TERF2: variants seen among roughly 807,000 people sequenced by gnomAD.
TERF2 encodes telomeric repeat-binding factor 2.
In TERF2, 16 loss-of-function variants were observed where a neutral mutation model predicts 56.1. The observed-to-expected ratio is 0.29, with a 90% CI of 0.19 to 0.43. TERF2 has a LOEUF of 0.43. Among genes scored for constraint, TERF2 ranks in the 20% least tolerant of loss-of-function variants. The pLI, the probability that TERF2 is intolerant of heterozygous loss-of-function variation, is 1.00. For synonymous variants in TERF2, 296 were observed against 282.1 expected (o/e 1.05, Z -0.50); for missense variants, 547 against 712.9 (o/e 0.77, Z 2.65).
At position 69,384,481 on chromosome 16, in the gene TERF2, G is replaced by A. The variant is rs886405894; in HGVS notation, c.606+99C>T. 4.0e-6 allele frequency: 5 copies of A among 1,262,300 alleles called. No homozygotes were observed. In the East Asian group the frequency reaches 1.0e-4, roughly 26 times the overall value. 78.2% of individuals were successfully genotyped at this position (1,262,300 alleles called of 1,614,324 possible). ...CTTGCTTGCTCAATCTCTCCCCATT[G>A]CTGTTTTCCTCTGCCCCACACAGTA... On this transcript the variant is annotated intron_variant, in intron 3 of 9. Coordinates refer to ENST00000254942, the MANE Select transcript of TERF2 (RefSeq NM_005652.5).
chr16:69,385,719 C>A lies in TERF2; in HGVS notation c.253G>T (p.Ala85Ser), dbSNP rs1304054862. ...PGLGGPAERG[A>S]GEARLEEAVN... is the part of the protein sequence containing the mutation. ...GCCTCTTCCAGCCGTGCCTCCCCCG[C>A]GCCGCGCTCCGCCGGGCCCCCCAGC... The change falls in exon 1 of 10, where the codon GCG becomes TCG. Residue 85 changes from alanine to serine, a missense_variant. Ala to Ser is a moderately conservative substitution (Grantham distance 99, BLOSUM62 1). This residue lies in a region of TERF2 where 120 missense variants were observed against 172.4 expected (regional missense o/e 0.70). Transcript: ENST00000254942. The A allele has an allele frequency of 1.3e-6, 2 of 1,572,608 alleles. No individual in the cohort carries two copies. Among genetic ancestry groups the A allele is most frequent in the Admixed American group, 3.6e-5 (2 of 55,420 alleles).
rs1022354991 is a variant in TERF2, at chr16:69,370,484, G to A, written c.839C>T (p.Thr280Met). 1.9e-6 allele frequency: 3 copies of A among 1,614,126 alleles called. No homozygotes were observed. Among genetic ancestry groups the A allele is most frequent in the South Asian group, 1.1e-5 (1 of 91,074 alleles). Reference protein sequence around the residue: ...HLDDAEPYLLTMAKKALKSES... With the variant: ...HLDDAEPYLLMMAKKALKSES... Reference sequence around the variant, plus strand: ...TATGGGAGAAGGGCCAAGGCGCACCGTGAGGAGGTAGGGCTCGGCGTCATC... The same window carrying A: ...TATGGGAGAAGGGCCAAGGCGCACCATGAGGAGGTAGGGCTCGGCGTCATC... The change falls in exon 5 of 10, where the codon ACG becomes ATG. Residue 280 changes from threonine to methionine, a missense_variant and splice_region_variant. Around this residue, in one of 6 missense-constraint regions of TERF2, gnomAD observed 97 missense variants for 157.0 expected, o/e 0.62. Transcript: ENST00000254942.
At position 69,357,541 on chromosome 16, in the gene TERF2, T is replaced by C. The variant is rs945599828; in HGVS notation, c.1447A>G (p.Thr483Ala). Residue 483 changes from threonine (T) to alanine (A), a missense_variant, in exon 9 of 10, where the codon ACA becomes GCA. Physicochemically the swap from Thr to Ala is moderately conservative, Grantham distance 58. This residue lies in a region of TERF2 where 211 missense variants were observed against 236.8 expected (regional missense o/e 0.89). Coordinates refer to ENST00000254942, the MANE Select transcript of TERF2 (RefSeq NM_005652.5). ...QVQAAPDEDS[T>A]TNITKKQKWT... is the part of the protein sequence containing the mutation. ...ACCTGCTTTTTTGTTATATTGGTTG[T>C]ACTGTCTTCATCTGGTGCTGCTGGA... 2 of 1,613,772 alleles carry C rather than the reference T, an allele frequency of 1.2e-6. No homozygotes were observed. The highest frequency in any genetic ancestry group is 8.5e-7 in the Non-Finnish European group (1 of 1,179,894).
chr16:69,380,589 G>A (rs1217189205), intron 3 of TERF2, among the ~76,000 whole-genome samples: 5 of 150,510 alleles, frequency 3.3e-5, no homozygotes, highest in East Asian at 2.0e-4. Context: ...CCCAGGAGGC[G>A]GAGCTTGCAG....
intron 3 of TERF2, among the ~76,000 whole-genome samples, chr16:69,373,357 G>T (rs1304045772): frequency 6.6e-6 from 1 of 151,834 alleles, no homozygotes; most frequent in Non-Finnish European, 1.5e-5. Flanking sequence ...TTCTCTTGAG[G>T]AAAAATAACA....
At chr16:69,372,196 C>A in intron 4 of TERF2, 73 bp downstream of exon 4, 1 of 1,069,522 alleles carries the variant, frequency 9.3e-7, no homozygotes, top group East Asian at 2.5e-5. Flanking sequence ...TGACCAAGAA[C>A]CCTTTCCCTA....
At chr16:69,377,714 G>A (rs1279893873) in intron 3 of TERF2, among the ~76,000 whole-genome samples, 1 of 152,126 alleles carries the variant, frequency 6.6e-6, no homozygotes, top group East Asian at 1.9e-4. Context: ...CATTGTGTTG[G>A]TAATTTCATT....
At chr16:69,379,030 C>T (rs1048861889) in intron 3 of TERF2, among the ~76,000 whole-genome samples, 7 of 151,924 alleles carry the variant, frequency 4.6e-5, no homozygotes, top group African/African-American at 9.7e-5. Context: ...TCTTCTCTTA[C>T]GTATTTGTTA....
At chr16:69,372,468 C>T in intron 3 of TERF2, 113 bp from the exon 4 acceptor site, 1 of 746,244 alleles carries the variant, frequency 1.3e-6, no homozygotes, top group African/African-American at 1.8e-5. Context: ...TACTTAAAAA[C>T]TAACAATTAT....
intron 9 of TERF2, 43 bp from the exon 10 acceptor site, chr16:69,357,099 CACTT>C: frequency 6.4e-7 from 1 of 1,569,954 alleles, no homozygotes; most frequent in Non-Finnish European, 8.6e-7. Flanking sequence ...CTTTCCTCTC[CACTT>C]ACTTACATTT....
chr16:69,380,948 C>T (rs1279228760), intron 3 of TERF2, among the ~76,000 whole-genome samples: 1 of 151,484 alleles, frequency 6.6e-6, no homozygotes, highest in Non-Finnish European at 1.5e-5. Context: ...ATTACAGGTG[C>T]CCACCACCAC....
At chr16:69,371,998 GTGC>G (rs912539191) in intron 4 of TERF2, among the ~76,000 whole-genome samples, 5 of 152,052 alleles carry the variant, frequency 3.3e-5, no homozygotes, top group African/African-American at 9.7e-5. Flanking sequence ...TCCATACCTG[GTGC>G]TGATCATTTA....
intron 6 of TERF2, 107 bp downstream of exon 6, chr16:69,368,269 T>A: frequency 1.0e-6 from 1 of 998,570 alleles, no homozygotes; most frequent in Non-Finnish European, 1.5e-6. Context: ...TCGTAACACG[T>A]TAGTAGGTCG....
rs999809030 is a variant in TERF2 at position 69,385,858 on chromosome 16, C to T, written c.114G>A (p.Arg38=). The T allele has an allele frequency of 5.8e-6, 8 of 1,369,636 alleles. No individual in the cohort carries two copies. The African/African-American group carries it at 1.2e-4, about 21-fold the overall frequency. The allele number at this position is 1,369,636 out of a possible 1,614,324, so 84.8% of individuals were successfully genotyped here. Residue 38 remains arginine, a synonymous_variant, in exon 1 of 10, where the codon CGG becomes CGA. Coordinates refer to ENST00000254942, the MANE Select transcript of TERF2 (RefSeq NM_005652.5). ...CTCCTCCCGCCATCGTGTCCGATCG[C>T]CGCGCGCCCTCCCCGCCCTCCCGGC... is the stretch of plus-strand genomic sequence containing the variant. ...RPGREGGEGA[R]RSDTMAGGGG...
chr16:69,368,334 C>T (rs772304677), intron 6 of TERF2, 42 bp downstream of exon 6: 1 of 1,593,780 alleles, frequency 6.3e-7, no homozygotes, highest in Non-Finnish European at 8.6e-7. Context: ...CCAGCGACCA[C>T]CCTAGTGTTT....
chr16:69,357,846 C>CTTT (rs71383989), intron 8 of TERF2, among the ~76,000 whole-genome samples: 12 of 121,922 alleles, frequency 9.8e-5, no homozygotes, highest in Non-Finnish European at 1.5e-4. Context: ...ACATCGTTTT[C>CTTT]TTTTTTTTTT....
chr16:69,381,899 T>C (rs970619995), intron 3 of TERF2, among the ~76,000 whole-genome samples: 41 of 152,210 alleles, frequency 2.7e-4, no homozygotes, highest in Non-Finnish European at 1.5e-5. Flanking sequence ...AAATTTTTTT[T>C]TAATGGGAGT....
intron 6 of TERF2, 76 bp downstream of exon 6, chr16:69,368,300 C>A: frequency 7.1e-7 from 1 of 1,400,512 alleles, no homozygotes. Flanking sequence ...AGGAACTGAT[C>A]CTGGCCTAAG....
At chr16:69,358,895 A>G (rs947323183) in intron 8 of TERF2, among the ~76,000 whole-genome samples, 1 of 152,228 alleles carries the variant, frequency 6.6e-6, no homozygotes, top group Non-Finnish European at 1.5e-5. Context: ...CTCTGCAAAA[A>G]AGGAATATGC....
Sources: allele counts gnomAD v4.1 joint callset (sites outside exome capture counted in the v4.1 genomes callset), GRCh38; gene constraint gnomAD v4.1.1; regional missense constraint gnomAD v4.1.1; transcripts MANE v1.5; gene names NCBI Gene and HGNC (gene_info 2026-07-23, HGNC 2026-07-21).